The following DRG1 variants were observed in gnomAD, a reference collection of about 807,000 sequenced individuals.
DRG1 encodes developmentally regulated GTP binding protein 1, also known as developmentally-regulated GTP-binding protein 1.
Under a neutral mutation model 38.8 loss-of-function variants are expected in DRG1, and 19 were observed. That is an observed-to-expected ratio of 0.49 (90% CI 0.34 to 0.72). The LOEUF is 0.72. Ranked by LOEUF, DRG1 falls within the 30% of genes least tolerant of loss-of-function variation. The pLI, the probability that DRG1 is intolerant of heterozygous loss-of-function variation, is 0.01. For synonymous variants in DRG1, 167 were observed against 157.5 expected, an observed-to-expected ratio of 1.06 and a Z score of -0.45; for missense variants, 299 against 444.8, an observed-to-expected ratio of 0.67 and a Z score of 2.95.
intron 4 of DRG1, among the ~76,000 whole-genome samples, chr22:31,415,240 T>C (rs1292213610): frequency 5.9e-5 from 9 of 152,236 alleles, no homozygotes; most frequent in Non-Finnish European, 8.8e-5. Flanking sequence ...ATTTAAAATT[T>C]AGTTCCTCAA....
chr22:31,408,166 T>G (rs1601526019), intron 3 of DRG1, among the ~76,000 whole-genome samples: 2 of 111,648 alleles, frequency 1.8e-5, no homozygotes, highest in Non-Finnish European at 3.6e-5. Context: ...TGAGATAGAG[T>G]CTTGCTTCAT....
intron 8 of DRG1, among the ~76,000 whole-genome samples, chr22:31,429,893 G>A (rs1296779711): frequency 1.3e-5 from 2 of 151,970 alleles, no homozygotes; most frequent in Non-Finnish European, 2.9e-5. Context: ...CTAGTGATCC[G>A]CCTACCTTCA....
chr22:31,433,356 C>T (rs1294906159), intron 8 of DRG1, among the ~76,000 whole-genome samples: 12 of 151,004 alleles, frequency 7.9e-5, no homozygotes, highest in Admixed American at 2.0e-4. Context: ...CTGCAACCTC[C>T]GCCTCCCGGG....
chr22:31,426,558 C>CT (rs2050111673), intron 6 of DRG1, 57 bp from the exon 7 acceptor site: 2 of 1,503,518 alleles, frequency 1.3e-6, no homozygotes, highest in Admixed American at 3.8e-5. Flanking sequence ...GTTCAACAGT[C>CT]TGACAGTTCT....
chr22:31,423,903 T>C lies in DRG1; in HGVS notation c.713+493T>C, dbSNP rs1451048456. Among the ~76,000 whole-genome samples, 4 of 150,298 alleles carry C rather than the reference T, an allele frequency of 2.7e-5. No homozygotes were observed. The East Asian group carries it at 7.9e-4, about 30-fold the overall frequency. On this transcript the variant is annotated intron_variant, in intron 6 of 8. Transcript: ENST00000331457. ...TTTTGAGATAGAGTTTCGCTCTTGT[T>C]AGCCAGGCTGGAGTGCAGTGGCGCA...
intron 3 of DRG1, among the ~76,000 whole-genome samples, chr22:31,407,570 A>T (rs1380512341): frequency 6.6e-6 from 1 of 152,088 alleles, no homozygotes; most frequent in African/African-American, 2.4e-5. Flanking sequence ...TCCTGCACAC[A>T]AGCAGTCTAC....
chr22:31,407,904 T>G (rs1031351443), intron 3 of DRG1, among the ~76,000 whole-genome samples: 1 of 150,960 alleles, frequency 6.6e-6, no homozygotes, highest in Non-Finnish European at 1.5e-5. Flanking sequence ...GCGGATCACC[T>G]GAGGTCAGGA....
chr22:31,421,710 A>C (rs2050078060), intron 5 of DRG1, among the ~76,000 whole-genome samples: 1 of 152,002 alleles, frequency 6.6e-6, no homozygotes, highest in South Asian at 2.1e-4. Context: ...CATCTCTATA[A>C]AAATAATAAA....
intron 3 of DRG1, among the ~76,000 whole-genome samples, 197 bp from the exon 4 acceptor site, chr22:31,410,815 C>T (rs988746359): frequency 3.4e-5 from 5 of 147,878 alleles, no homozygotes; most frequent in Non-Finnish European, 5.9e-5. Flanking sequence ...AACTCCATCT[C>T]CAAAAAAAAA....
rs562292506 is a variant in DRG1, at chr22:31,413,438, T to C, written c.412+2357T>C. On this transcript the variant is annotated intron_variant, in intron 4 of 8. Transcript: ENST00000331457. ...ATCTTTTGTCTCTTAATTTTTTCTT[T>C]ATGTGATTTTCTCAGCATTGTCTTC... 3.9e-5 allele frequency among the ~76,000 whole-genome samples: 6 copies of C among 152,112 alleles called. No homozygotes were observed. The South Asian group carries it at 6.2e-4, about 16-fold the overall frequency.
chr22:31,424,488 C>CTT (rs398036881), intron 6 of DRG1, among the ~76,000 whole-genome samples: 2,198 of 71,496 alleles, frequency 0.031, 22 homozygotes, highest in African/African-American at 0.047. Flanking sequence ...GCTTTGGTTT[C>CTT]TTTTTTTTTT....
At chr22:31,422,720 ATTATTTCTGTG>A (rs57664766) in intron 5 of DRG1, among the ~76,000 whole-genome samples, 8,614 of 152,274 alleles carry the variant, frequency 0.057, 311 homozygotes, top group Middle Eastern at 0.11. Flanking sequence ...AACATTTAAG[ATTATTTCTGTG>A]TTAGTTTCAG....
At chr22:31,416,899 CAAA>C (rs695533) in intron 4 of DRG1, among the ~76,000 whole-genome samples, 27 of 127,376 alleles carry the variant, frequency 2.1e-4, no homozygotes, top group Admixed American at 2.4e-4. Context: ...GATTCTGTCT[CAAA>C]AAAAAAAAAA....
intron 1 of DRG1, 83 bp downstream of exon 1, chr22:31,399,808 C>T (rs755238238): frequency 1.2e-5 from 20 of 1,600,444 alleles, no homozygotes; most frequent in Admixed American, 3.3e-5. Context: ...TCCTTTGAGC[C>T]GCGTCAGGAC....
intron 5 of DRG1, among the ~76,000 whole-genome samples, chr22:31,421,972 G>T (rs948057749): frequency 6.6e-6 from 1 of 151,664 alleles, no homozygotes; most frequent in Non-Finnish European, 1.5e-5. Flanking sequence ...AAAATTAGCC[G>T]GGCATGGTGG....
chr22:31,425,063 T>A (rs886716687), intron 6 of DRG1, among the ~76,000 whole-genome samples: 2 of 152,138 alleles, frequency 1.3e-5, no homozygotes, highest in African/African-American at 4.8e-5. Flanking sequence ...CCCAAAGTGC[T>A]GGGATTACAG....
intron 8 of DRG1, among the ~76,000 whole-genome samples, chr22:31,430,828 C>T (rs1023976803): frequency 3.9e-5 from 6 of 152,054 alleles, no homozygotes; most frequent in Non-Finnish European, 7.4e-5. Context: ...AAGCGATCCT[C>T]CTACCTCAGT....
At chr22:31,406,276 A>G (rs910080785) in intron 3 of DRG1, among the ~76,000 whole-genome samples, 3 of 152,212 alleles carry the variant, frequency 2.0e-5, no homozygotes, top group African/African-American at 7.2e-5. Flanking sequence ...TTGGGATTAC[A>G]GGTGTGAGCC....
At chr22:31,427,275 G>A in intron 8 of DRG1, 93 bp downstream of exon 8, 1 of 1,458,718 alleles carries the variant, frequency 6.9e-7, no homozygotes, top group African/African-American at 1.4e-5. Flanking sequence ...AAAAAAGAAG[G>A]CAGGAAGGAG....
Sources: allele counts gnomAD v4.1 joint callset (sites outside exome capture counted in the v4.1 genomes callset), GRCh38; gene constraint gnomAD v4.1.1; transcripts MANE v1.5; gene names NCBI Gene and HGNC (gene_info 2026-07-23, HGNC 2026-07-21).